Variants in PUDP observed in about 807,000 individuals in gnomAD.
PUDP encodes pseudouridine-5'-phosphatase.
In PUDP, 8 loss-of-function variants were observed where a neutral mutation model predicts 9.4. The observed-to-expected ratio is 0.85, with a 90% confidence interval of 0.50 to 1.53. The LOEUF is 1.53. PUDP is among the 40% of genes most tolerant of loss of function. The probability of loss-of-function intolerance (pLI) is 0.00; values close to 1 mark genes in which losing one functional copy is unlikely to be tolerated. For missense variants in PUDP, 188 were observed against 189.7 expected (o/e 0.99, Z 0.05); for synonymous variants, 99 against 80.7 (o/e 1.23, Z -1.22).
In PUDP at chrX:6,802,783, G is replaced by A. The variant is rs1300829583; in HGVS notation, c.*248-96317C>T. On this transcript the variant is annotated intron_variant and NMD_transcript_variant, in intron 3 of 3. Transcript: ENST00000655425. ...ACCTGTAATCCCAGCTAATCCAGAG[G>A]CTGAGGTGGCAGAATCACTTGAACC... Among the ~76,000 whole-genome samples the A allele has an allele frequency of 2.8e-5, 3 of 108,870 alleles. No homozygotes were observed. The East Asian group carries it at 8.6e-4, about 31-fold the overall frequency. 94.5% of individuals were successfully genotyped at this position (108,870 alleles called of 115,157 possible). A position where few individuals can be genotyped will look rare whatever the true frequency, so the allele number is the denominator to read the frequency against.
intron 3 of PUDP, among the ~76,000 whole-genome samples, chrX:6,916,429 A>G (rs1242359768): frequency 1.0e-5 from 1 of 99,973 alleles, no homozygotes; most frequent in Non-Finnish European, 2.0e-5. Context: ...TTTTTTTGCA[A>G]TTATGAGTAG....
intron 3 of PUDP, among the ~76,000 whole-genome samples, chrX:6,901,405 A>T (rs765293770): frequency 2.7e-5 from 3 of 112,255 alleles, no homozygotes; most frequent in Non-Finnish European, 5.6e-5. Flanking sequence ...GGTTTCTTAC[A>T]GGTAGGACGT....
chrX:6,936,887 T>C (rs2146773894), intron 3 of PUDP, among the ~76,000 whole-genome samples: 1 of 92,251 alleles, frequency 1.1e-5, no homozygotes, highest in Admixed American at 1.3e-4. Context: ...CACAATTGCT[T>C]CAAAGAGAAT....
intron 3 of PUDP, among the ~76,000 whole-genome samples, chrX:6,970,124 C>T (rs962389588): frequency 8.1e-5 from 9 of 111,749 alleles, no homozygotes; most frequent in South Asian, 3.7e-4. Context: ...TGTGTATACA[C>T]GGGAGGCTTC....
intron 1 of PUDP, among the ~76,000 whole-genome samples, chrX:7,107,012 G>A (rs1363854941): frequency 1.3e-4 from 14 of 111,573 alleles, no homozygotes; most frequent in South Asian, 3.9e-4. Flanking sequence ...TCCAGTCTGC[G>A]GTGGCACAGA....
intron 3 of PUDP, among the ~76,000 whole-genome samples, chrX:7,066,814 G>C (rs952605395): frequency 8.9e-6 from 1 of 112,115 alleles, no homozygotes; most frequent in African/African-American, 3.2e-5. Flanking sequence ...GATGTTTTTT[G>C]CTGGAAAGTA....
chrX:7,069,366 G>A (rs1340138523), intron 3 of PUDP, among the ~76,000 whole-genome samples: 2 of 111,351 alleles, frequency 1.8e-5, no homozygotes, highest in African/African-American at 6.5e-5. Flanking sequence ...AGAGCAAGAT[G>A]CCCCAAGGCT....
At chrX:6,748,078 G>A (rs1413081505) in intron 3 of PUDP, among the ~76,000 whole-genome samples, 2 of 111,758 alleles carry the variant, frequency 1.8e-5, no homozygotes, top group African/African-American at 3.3e-5. Flanking sequence ...TTGACACCTG[G>A]GGGTCTCATC....
At chrX:6,940,322 C>T (rs1048200054) in intron 3 of PUDP, among the ~76,000 whole-genome samples, 1 of 112,836 alleles carries the variant, frequency 8.9e-6, no homozygotes, top group African/African-American at 3.2e-5. Flanking sequence ...GAAGTGGCGA[C>T]AAGGACCATA....
chrX:6,755,465 C>T (rs937967030), intron 3 of PUDP, among the ~76,000 whole-genome samples: 4 of 112,083 alleles, frequency 3.6e-5, no homozygotes, highest in Non-Finnish European at 5.6e-5. Flanking sequence ...AAATAATAGT[C>T]ATGTTTTCTT....
At chrX:6,747,523 C>T (rs1365974582) in intron 3 of PUDP, among the ~76,000 whole-genome samples, 2 of 112,091 alleles carry the variant, frequency 1.8e-5, no homozygotes, top group African/African-American at 6.5e-5. Flanking sequence ...AATTAGACAA[C>T]ATAATCATTT....
At chrX:6,970,061 G>A (rs1928848909) in intron 3 of PUDP, among the ~76,000 whole-genome samples, 1 of 111,781 alleles carries the variant, frequency 8.9e-6, no homozygotes, top group African/African-American at 3.3e-5. Flanking sequence ...AAGTTTCACT[G>A]AAAAATAAAC....
chrX:6,756,340 A>G (rs1442555074), intron 3 of PUDP, among the ~76,000 whole-genome samples: 1 of 112,506 alleles, frequency 8.9e-6, no homozygotes, highest in African/African-American at 3.2e-5. Flanking sequence ...ATGTCCATCA[A>G]CTGATAAATG....
chrX:6,728,391 C>A (rs1362757808), intron 3 of PUDP, among the ~76,000 whole-genome samples: 1 of 111,483 alleles, frequency 9.0e-6, no homozygotes, highest in African/African-American at 3.3e-5. Context: ...CACACGCACA[C>A]TGTTAGACAT....
At chrX:6,870,441 G>A (rs887208850) in intron 3 of PUDP, among the ~76,000 whole-genome samples, 3 of 111,527 alleles carry the variant, frequency 2.7e-5, no homozygotes, top group Non-Finnish European at 5.7e-5. Flanking sequence ...TTATAAGGGG[G>A]AGTTCCCCAG....
At chrX:6,773,653 A>G (rs1414168768) in intron 3 of PUDP, among the ~76,000 whole-genome samples, 1 of 111,149 alleles carries the variant, frequency 9.0e-6, no homozygotes. Context: ...GTTGAGGAGT[A>G]GCTAAAACAG....
chrX:6,926,013 C>T (rs1928096425), intron 3 of PUDP, among the ~76,000 whole-genome samples: 1 of 111,400 alleles, frequency 9.0e-6, no homozygotes, highest in African/African-American at 3.3e-5. Flanking sequence ...GAATGCTGGT[C>T]ACTTGTGCCT....
intron 3 of PUDP, among the ~76,000 whole-genome samples, chrX:6,759,606 T>C (rs1925206599): frequency 9.0e-6 from 1 of 111,510 alleles, no homozygotes; most frequent in South Asian, 3.9e-4. Flanking sequence ...TATGGTCCGA[T>C]GTCCCCCAGA....
intron 3 of PUDP, among the ~76,000 whole-genome samples, chrX:7,070,664 G>A (rs1404073036): frequency 9.1e-6 from 1 of 110,175 alleles, no homozygotes; most frequent in Non-Finnish European, 1.9e-5. Flanking sequence ...CTGCACCTCT[G>A]CCTCCCGGGT....
Sources: allele counts gnomAD v4.1 joint callset (sites outside exome capture counted in the v4.1 genomes callset), GRCh38; gene constraint gnomAD v4.1.1; transcripts MANE v1.5; gene names NCBI Gene and HGNC (gene_info 2026-07-23, HGNC 2026-07-21).